VWA3B: variants seen among roughly 807,000 people sequenced by gnomAD.
The protein encoded by VWA3B is von Willebrand factor A domain containing 3B.
A neutral mutation model predicts 158.3 loss-of-function variants in VWA3B; 138 were observed. The observed-to-expected ratio is 0.87, with a 90% CI of 0.76 to 1.00. The LOEUF is 1.00. Among genes scored for constraint, VWA3B ranks in the 50% least tolerant of loss-of-function variants. The probability of loss-of-function intolerance (pLI) is 0.00; values close to 1 mark genes in which losing one functional copy is unlikely to be tolerated. For synonymous variants in VWA3B, 596 were observed against 587.3 expected (o/e 1.01, Z -0.21); for missense variants, 1,555 against 1,565.1 (o/e 0.99, Z 0.11).
At chr2:98,135,671 A>G (rs1000664996) in intron 7 of VWA3B, among the ~76,000 whole-genome samples, 2 of 152,170 alleles carry the variant, frequency 1.3e-5, no homozygotes, top group Non-Finnish European at 2.9e-5. Context: ...CTTGGCATGG[A>G]TCGTTGTTCT....
At position 98,311,816 on chromosome 2, in the gene VWA3B, T is replaced by C. The variant is rs1383376874; in HGVS notation, c.3522-3T>C. 3 of 1,598,182 alleles carry C rather than the reference T, an allele frequency of 1.9e-6. No homozygotes were observed. Among genetic ancestry groups the C allele is most frequent in the Non-Finnish European group, 2.6e-6 (3 of 1,172,638 alleles). On this transcript the variant is annotated splice_region_variant and splice_polypyrimidine_tract_variant and intron_variant, in intron 26 of 27. Transcript: ENST00000477737. ...GGTAACCCTGATCTCTCTCTGTCTC[T>C]AGAGAGGATGTGGAGGCGAGGAACT...
intron 13 of VWA3B, among the ~76,000 whole-genome samples, chr2:98,214,820 G>A (rs1683838449): frequency 6.6e-6 from 1 of 152,174 alleles, no homozygotes; most frequent in Non-Finnish European, 1.5e-5. Flanking sequence ...TCTTGCCAAA[G>A]GAACTCTGTG....
chr2:98,125,253 T>TG lies in VWA3B; in HGVS notation c.703-2982dup, dbSNP rs1239401295. On this transcript the variant is annotated intron_variant, in intron 5 of 27. Transcript: ENST00000477737. This position sits in a 1 kb window ranked among gnomAD's most constrained non-coding sequence, Gnocchi z 4.1. ...GGTAGGAGCCTGAACCCTTGGATGG[T>TG]GGGGTAACCACAGAAGTGAAAAAAG... is the stretch of plus-strand genomic sequence containing the variant. Among the ~76,000 whole-genome samples the TG allele has an allele frequency of 6.6e-6, 1 of 152,200 alleles. No individual in the cohort carries two copies. The highest frequency in any genetic ancestry group is 1.5e-5 in the Non-Finnish European group (1 of 68,028).
At chr2:98,216,092 C>T (rs1453057541) in intron 13 of VWA3B, among the ~76,000 whole-genome samples, 1 of 152,218 alleles carries the variant, frequency 6.6e-6, no homozygotes, top group Non-Finnish European at 1.5e-5. Flanking sequence ...AGAATAGACA[C>T]AGATGCTGTT....
intron 8 of VWA3B, among the ~76,000 whole-genome samples, chr2:98,166,337 A>AAAAC (rs964655064): frequency 7.9e-5 from 12 of 152,170 alleles, no homozygotes; most frequent in South Asian, 2.1e-4. Flanking sequence ...ACTCTGTCTC[A>AAAAC]AAACAAACAA....
At chr2:98,206,589 T>C (rs956245816) in intron 12 of VWA3B, 60 of 466,600 alleles carry the variant, frequency 1.3e-4, no homozygotes, top group Non-Finnish European at 6.8e-5. Flanking sequence ...ATGAACATCA[T>C]TGGAGAGCCT....
chr2:98,302,908 T>C (rs1690284207), intron 25 of VWA3B, among the ~76,000 whole-genome samples: 1 of 152,194 alleles, frequency 6.6e-6, no homozygotes, highest in Admixed American at 6.5e-5. Context: ...ACTGGAGCAC[T>C]GTATCCAACC....
At chr2:98,322,347 A>G in the VWA3B span, among the ~76,000 whole-genome samples, 1 of 152,266 alleles carries the variant, frequency 6.6e-6, no homozygotes, top group Non-Finnish European at 1.5e-5. Flanking sequence ...ACAAAAAACT[A>G]TAGCCTAACT....
At chr2:98,217,108 A>T (rs1373192946) in intron 13 of VWA3B, 4 of 571,290 alleles carry the variant, frequency 7.0e-6, no homozygotes, top group South Asian at 2.0e-5. Context: ...AGGGAGCTCC[A>T]TCCCTGCAAT....
At chr2:98,098,094 G>T (rs1425121176) in intron 2 of VWA3B, among the ~76,000 whole-genome samples, 1 of 152,028 alleles carries the variant, frequency 6.6e-6, no homozygotes, top group African/African-American at 2.4e-5. Flanking sequence ...TACTTGATAC[G>T]ATTTCAGTCT....
chr2:98,217,581 C>T (rs62156668), intron 13 of VWA3B, among the ~76,000 whole-genome samples: 7,196 of 152,156 alleles, frequency 0.047, 257 homozygotes, highest in Middle Eastern at 0.079. Flanking sequence ...CTTGGTTGGC[C>T]GAATCTTTCT....
At chr2:98,249,824 CA>C (rs1411286043) in intron 19 of VWA3B, among the ~76,000 whole-genome samples, 2 of 151,380 alleles carry the variant, frequency 1.3e-5, no homozygotes, top group Admixed American at 6.6e-5. Flanking sequence ...AACAAACAAA[CA>C]AAAAAAGGAT....
intron 21 of VWA3B, among the ~76,000 whole-genome samples, chr2:98,257,261 A>C (rs964184760): frequency 6.6e-6 from 1 of 152,116 alleles, no homozygotes; most frequent in African/African-American, 2.4e-5. Context: ...AAATGATATT[A>C]AGTGCTGCAA....
chr2:98,157,390 G>A (rs1477036620), intron 7 of VWA3B, among the ~76,000 whole-genome samples: 3 of 152,140 alleles, frequency 2.0e-5, no homozygotes, highest in Non-Finnish European at 4.4e-5. Context: ...GATCAAGCTA[G>A]CAGGTGTTTA....
intron 23 of VWA3B, among the ~76,000 whole-genome samples, chr2:98,295,164 G>T (rs1689725877): frequency 6.6e-6 from 1 of 152,086 alleles, no homozygotes; most frequent in Non-Finnish European, 1.5e-5. Context: ...CGGACACGAG[G>T]ACTGTGAAGG....
chr2:98,325,775 G>T, the VWA3B span, among the ~76,000 whole-genome samples: 1 of 152,154 alleles, frequency 6.6e-6, no homozygotes, highest in Non-Finnish European at 1.5e-5. Flanking sequence ...TATAGTTGTA[G>T]ATTTTAACTT....
intron 16 of VWA3B, among the ~76,000 whole-genome samples, chr2:98,234,432 T>C (rs1321027898): frequency 1.3e-5 from 2 of 152,152 alleles, no homozygotes; most frequent in Non-Finnish European, 2.9e-5. Flanking sequence ...TGAATGAGTG[T>C]GGAAGCTGAC....
At chr2:98,175,430 A>T (rs1317669571) in intron 8 of VWA3B, among the ~76,000 whole-genome samples, 1 of 152,232 alleles carries the variant, frequency 6.6e-6, no homozygotes, top group East Asian at 1.9e-4. Context: ...AAAGTATTGA[A>T]ATGAGGAACT....
chr2:98,236,872 G>GGA, intron 19 of VWA3B, 142 bp downstream of exon 19: 3 of 1,228,092 alleles, frequency 2.4e-6, no homozygotes, highest in Non-Finnish European at 3.4e-6. Flanking sequence ...GCAGTAAAAG[G>GGA]GAGAGAGAGA....
Sources: gnomAD v4.1 joint callset for allele counts (sites outside exome capture counted in the v4.1 genomes callset) on GRCh38, gnomAD v4.1.1 for gene constraint, Gnocchi (gnomAD v3.1) non-coding constraint, MANE v1.5 for transcripts, NCBI Gene and HGNC (gene_info 2026-07-23, HGNC 2026-07-21) for gene names.